Variants in RBBP7 observed in about 807,000 individuals in gnomAD.
The protein encoded by RBBP7 is histone-binding protein RBBP7.
RBBP7 carries 5 observed loss-of-function variants against 35.2 expected under a neutral mutation model. That is an observed-to-expected ratio of 0.14 (90% CI 0.07 to 0.30). The LOEUF is 0.30. Ranked by LOEUF, RBBP7 falls within the 10% of genes least tolerant of loss-of-function variation. The probability of loss-of-function intolerance (pLI) is 1.00; values close to 1 mark genes in which losing one functional copy is unlikely to be tolerated. For missense variants in RBBP7, 155 were observed against 327.5 expected, an observed-to-expected ratio of 0.47 and a Z score of 4.07; for synonymous variants, 140 against 118.7, an observed-to-expected ratio of 1.18 and a Z score of -1.17.
At chrX:16,858,645 C>G in intron 4 of RBBP7, 31 bp downstream of exon 4, 1 of 1,190,680 alleles carries the variant, frequency 8.4e-7, no homozygotes, top group Non-Finnish European at 1.1e-6. Context: ...GAAAACTGCT[C>G]AAGTAATGAC....
chrX:16,852,461 A>T (rs1180920182), intron 8 of RBBP7, 90 bp downstream of exon 8: 1 of 976,007 alleles, frequency 1.0e-6, no homozygotes, highest in Non-Finnish European at 1.5e-6. Context: ...CATTTTTTTC[A>T]ATAGTGGACC....
At chrX:16,856,213 T>C (rs1930348512) in intron 5 of RBBP7, among the ~76,000 whole-genome samples, 2 of 110,556 alleles carry the variant, frequency 1.8e-5, no homozygotes, top group Non-Finnish European at 3.8e-5. Flanking sequence ...TCATCATCAT[T>C]AGTCATCAGG....
intron 9 of RBBP7, among the ~76,000 whole-genome samples, chrX:16,851,090 C>T (rs149648087): frequency 0.017 from 1,805 of 103,522 alleles, 39 homozygotes; most frequent in African/African-American, 0.062. Flanking sequence ...CGCCACTGCA[C>T]TCCAGCCTGC....
rs910060789 is a variant in RBBP7 at position 16,870,328 on chromosome X, C to A, written c.-275G>T. On this transcript the variant is annotated 5_prime_UTR_variant, in exon 1 of 12. Transcript: ENST00000380087. The stretch of plus-strand genomic sequence containing the variant: ...ACCCGCGCCTCCCAGCCCGCCCAGG[C>A]AGCTGAGCGCAGGCGCATCCGCCCT... 4.3e-4 allele frequency: 82 copies of A among 190,315 alleles called. No homozygotes were observed. The highest frequency in any genetic ancestry group is 2.4e-3 in the African/African-American group (78 of 33,124). The allele number at this position is 190,315 out of a possible 1,213,427, so 15.7% of individuals were successfully genotyped here.
chrX:16,869,663 C>A, intron 1 of RBBP7: 2 of 1,090,384 alleles, frequency 1.8e-6, no homozygotes, highest in Non-Finnish European at 2.4e-6. Context: ...CCCCAGCAAC[C>A]CCCGGACAAG....
chrX:16,869,055 A>T, intron 2 of RBBP7, 21 bp downstream of exon 2: 1 of 1,184,723 alleles, frequency 8.4e-7, no homozygotes, highest in African/African-American at 1.8e-5. Flanking sequence ...AAACAAAATA[A>T]AAGTTGCCAG....
At chrX:16,865,304 G>A (rs1435987330) in intron 2 of RBBP7, among the ~76,000 whole-genome samples, 2 of 111,047 alleles carry the variant, frequency 1.8e-5, no homozygotes, top group African/African-American at 6.6e-5. Context: ...AGAGAAAGAA[G>A]GCACCACAGA....
rs1488260533 is a variant in RBBP7 at position 16,869,086 on chromosome X, C to T, written c.151G>A (p.Glu51Lys). The change falls in exon 2 of 12, where the codon GAA becomes AAA. Residue 51 changes from glutamate (E) to lysine (K), a missense_variant. This residue lies in a region of RBBP7 where 59 missense variants were observed against 90.4 expected (regional missense o/e 0.65). Transcript: ENST00000380087. ...WPSLTVQWLP[E>K]VTKPEGKDYA... ...GCCAGAAACCCTTACTTAGTCACTT[C>T]AGGAAGCCACTGAACGGTAAGACTG... 1 of 1,207,795 alleles carries T rather than the reference C, an allele frequency of 8.3e-7. No individual in the cohort carries two copies. Among genetic ancestry groups the T allele is most frequent in the East Asian group, 3.0e-5 (1 of 33,853 alleles).
intron 3 of RBBP7, among the ~76,000 whole-genome samples, chrX:16,861,445 G>C (rs1930474989): frequency 9.0e-6 from 1 of 111,247 alleles, no homozygotes; most frequent in East Asian, 2.8e-4. Flanking sequence ...CGAACTCCTG[G>C]GCTCAAGCGA....
In RBBP7 at chrX:16,852,463, T is replaced by C. The variant is rs1381367550; in HGVS notation, c.963+88A>G. 10 of 981,049 alleles carry C rather than the reference T, an allele frequency of 1.0e-5. No homozygotes were observed. The East Asian group carries it at 2.1e-4, about 21-fold the overall frequency. The allele number at this position is 981,049 out of a possible 1,213,427, so 80.8% of individuals were successfully genotyped here. A position where few individuals can be genotyped will look rare whatever the true frequency, so the allele number is the denominator to read the frequency against. ...ACCACGTACAAGACATTTTTTTCAA[T>C]AGTGGACCCACGAGTCTGGTATAGC... is the stretch of plus-strand genomic sequence containing the variant. On this transcript the variant is annotated intron_variant, in intron 8 of 11. Coordinates refer to ENST00000380087, the MANE Select transcript of RBBP7 (RefSeq NM_002893.4).
At chrX:16,855,013 C>T (rs1354414655) in intron 5 of RBBP7, among the ~76,000 whole-genome samples, 3 of 99,840 alleles carry the variant, frequency 3.0e-5, no homozygotes, top group Admixed American at 1.1e-4. Context: ...ATTCATAGCA[C>T]GTGATCATGA....
At chrX:16,866,896 C>T (rs757589820) in intron 2 of RBBP7, among the ~76,000 whole-genome samples, 35 of 111,779 alleles carry the variant, frequency 3.1e-4, no homozygotes, top group African/African-American at 1.1e-3. Flanking sequence ...AGCCACTGCA[C>T]ATCCCACAAC....
chrX:16,849,110 T>C, intron 10 of RBBP7, 134 bp downstream of exon 10: 1 of 499,920 alleles, frequency 2.0e-6, no homozygotes, highest in Non-Finnish European at 3.2e-6. Flanking sequence ...CCAGTTGCAA[T>C]AACCTTCAGG....
At chrX:16,864,676 G>A (rs1335882890) in intron 2 of RBBP7, among the ~76,000 whole-genome samples, 2 of 109,560 alleles carry the variant, frequency 1.8e-5, no homozygotes, top group African/African-American at 6.7e-5. Context: ...CAATGCACAT[G>A]AGCACATGTG....
At chrX:16,862,846 T>C in intron 3 of RBBP7, 109 bp downstream of exon 3, 5 of 911,496 alleles carry the variant, frequency 5.5e-6, no homozygotes, top group Admixed American at 5.3e-5. Context: ...AATAAAGTCC[T>C]AGAAGTTAAA....
intron 5 of RBBP7, among the ~76,000 whole-genome samples, chrX:16,855,944 C>T (rs1422297629): frequency 4.5e-5 from 4 of 88,312 alleles, no homozygotes; most frequent in African/African-American, 1.3e-4. Flanking sequence ...TGCAGTGAGC[C>T]GAGACTGAGC....
At chrX:16,863,453 CCA>C (rs1470078550) in intron 2 of RBBP7, among the ~76,000 whole-genome samples, 2 of 111,578 alleles carry the variant, frequency 1.8e-5, no homozygotes, top group Non-Finnish European at 3.8e-5. Flanking sequence ...CCAACAATCC[CCA>C]CACTCATAAA....
At chrX:16,860,999 C>A (rs1930463173) in intron 3 of RBBP7, among the ~76,000 whole-genome samples, 2 of 111,031 alleles carry the variant, frequency 1.8e-5, no homozygotes, top group African/African-American at 3.3e-5. Flanking sequence ...CATGACAAAA[C>A]CCAGTCTCTA....
intron 1 of RBBP7, chrX:16,869,826 C>A: frequency 1.1e-6 from 1 of 895,201 alleles, no homozygotes; most frequent in Non-Finnish European, 1.4e-6. Flanking sequence ...GGGCCCAGCC[C>A]TCGGCCCCGC....
Sources: allele counts gnomAD v4.1 joint callset (sites outside exome capture counted in the v4.1 genomes callset), GRCh38; gene constraint gnomAD v4.1.1; regional missense constraint gnomAD v4.1.1; transcripts MANE v1.5; gene names NCBI Gene and HGNC (gene_info 2026-07-23, HGNC 2026-07-21).